Variants in DOCK8 observed in about 807,000 individuals in gnomAD.
DOCK8 encodes the protein dedicator of cytokinesis protein 8.
DOCK8 carries 141 observed loss-of-function variants against 245.6 expected under a neutral mutation model. That is an observed-to-expected ratio of 0.57 (90% confidence interval 0.50 to 0.66). The LOEUF is 0.66. DOCK8 is among the 30% of genes least tolerant of loss of function. The pLI, the probability that DOCK8 is intolerant of heterozygous loss-of-function variation, is 0.00. For missense variants in DOCK8, 2,965 were observed against 2,603.4 expected (o/e 1.14, Z -3.02); for synonymous variants, 1,168 against 970.2 (o/e 1.20, Z -3.79).
rs376254524 is a variant in DOCK8, at chr9:334,336, A to G, written c.1237A>G (p.Asn413Asp). 20 of 1,614,130 alleles carry G rather than the reference A, an allele frequency of 1.2e-5. No individual in the cohort carries two copies. The highest frequency in any genetic ancestry group is 1.7e-5 in the Admixed American group (1 of 60,014). The change falls in exon 11 of 48, where the codon AAT (asparagine) becomes GAT (aspartate). Residue 413 changes from asparagine (N) to aspartate (D), a missense_variant. By Grantham distance (23) the Asn-to-Asp change is conservative. This residue lies in a region of DOCK8 where 2,825 missense variants were observed against 2,453.5 expected (regional missense o/e 1.15). Transcript: ENST00000432829. ...ACCCATAAGCTTATCAAGCTTCTTC[A>G]ATGTCTCCACCCTTGAGAGGGAGGT... The part of the protein sequence containing the change: ...WAPISLSSFF[N>D]VSTLEREVTD...
intron 12 of DOCK8, among the ~76,000 whole-genome samples, chr9:338,196 A>G (rs754218820): frequency 6.6e-6 from 1 of 151,944 alleles, no homozygotes; most frequent in Non-Finnish European, 1.5e-5. Flanking sequence ...ATTTTATGTT[A>G]GTTATATTTT....
At chr9:459,391 A>G (rs115171503) in intron 46 of DOCK8, among the ~76,000 whole-genome samples, 159 of 152,354 alleles carry the variant, frequency 1.0e-3, no homozygotes, top group African/African-American at 3.7e-3. Context: ...ACTACATAAA[A>G]TCTAAGTTTT....
intron 1 of DOCK8, among the ~76,000 whole-genome samples, chr9:222,104 A>G (rs530351537): frequency 2.7e-4 from 41 of 152,028 alleles, no homozygotes; most frequent in African/African-American, 9.2e-4. Context: ...TACAAAAAGC[A>G]AACAAAACAT....
At chr9:305,218 A>C (rs958857715) in intron 5 of DOCK8, among the ~76,000 whole-genome samples, 11 of 152,212 alleles carry the variant, frequency 7.2e-5, no homozygotes, top group African/African-American at 2.7e-4. Flanking sequence ...GAATTAGAAT[A>C]ATGCCAAGTA....
chr9:460,447 T>G (rs765761636), intron 46 of DOCK8: 2 of 152,238 alleles, frequency 1.3e-5, no homozygotes, highest in Non-Finnish European at 2.9e-5. Flanking sequence ...ATCCTGAAAC[T>G]GATCTTATTT....
Position 312,004 on chromosome 9 carries a change from C to T in DOCK8, c.579C>T (p.Pro193=), listed in dbSNP as rs1053824283. 15 of 1,614,062 alleles carry T rather than the reference C, an allele frequency of 9.3e-6. No homozygotes were observed. Among genetic ancestry groups the T allele is most frequent in the African/African-American group, 2.7e-5 (2 of 74,938 alleles). ...TGTGCGACGTGTCTGGGAAAGGCCC[C>T]GTCACTGCCTGTGACTTTGACCTCC... The part of the protein sequence containing the change: ...NVLCDVSGKG[P]VTACDFDLRS... Residue 193 remains proline, a synonymous_variant, in exon 6 of 48, where the codon CCC becomes CCT. Coordinates refer to ENST00000432829, the MANE Select transcript of DOCK8 (RefSeq NM_203447.4).
Position 398,072 on chromosome 9 carries a change from A to G in DOCK8, c.3121-1074A>G, listed in dbSNP as rs112364865. Among the ~76,000 whole-genome samples, 281 of 152,286 alleles carry G rather than the reference A, an allele frequency of 1.8e-3. 4 individuals carry two copies. The highest frequency in any genetic ancestry group is 6.6e-3 in the African/African-American group (274 of 41,546). ...GTGCATAGTACCAAGTGCTCAGGAG[A>G]TTTTCATTCGGTTATTCCTCATGGC... On this transcript the variant is annotated intron_variant, in intron 25 of 47. Transcript: ENST00000432829.
At chr9:236,209 C>A (rs1362105559) in intron 1 of DOCK8, among the ~76,000 whole-genome samples, 1 of 152,056 alleles carries the variant, frequency 6.6e-6, no homozygotes, top group African/African-American at 2.4e-5. Flanking sequence ...CAGGATGACT[C>A]CTAAAACTCT....
rs776482748 is a variant in DOCK8, at chr9:420,966, C to A, written c.4041C>A (p.Asp1347Glu). 41 of 1,614,070 alleles carry A rather than the reference C, an allele frequency of 2.5e-5. No individual in the cohort carries two copies. The South Asian group carries it at 4.3e-4, about 17-fold the overall frequency. The change falls in exon 32 of 48, where the codon GAC becomes GAA. Residue 1347 changes from aspartate (D) to glutamate (E), a missense_variant. Asp to Glu is a conservative substitution (Grantham distance 45). Coordinates refer to ENST00000432829, the MANE Select transcript of DOCK8 (RefSeq NM_203447.4). ...CFEYKGKQSS[D>E]KVSTQVLQKS... is the part of the protein sequence containing the mutation. ...TTGTCCAGGGAAAACAGAGTTCTGA[C>A]AAAGTCAGTACCCAAGTCCTGCAGA...
At chr9:463,485 T>G (rs1223718595) in intron 46 of DOCK8, 32 bp from the exon 47 acceptor site, 1 of 1,613,602 alleles carries the variant, frequency 6.2e-7, no homozygotes, top group Admixed American at 1.7e-5. Flanking sequence ...TCAAAGTCAT[T>G]TATTTCTCCC....
At chr9:333,047 C>T (rs961019511) in intron 10 of DOCK8, among the ~76,000 whole-genome samples, 2 of 152,114 alleles carry the variant, frequency 1.3e-5, no homozygotes, top group Non-Finnish European at 2.9e-5. Flanking sequence ...TGGGGCAAGG[C>T]CACCCCCTGT....
At chr9:431,013 C>T (rs1040279157) in intron 36 of DOCK8, among the ~76,000 whole-genome samples, 5 of 150,510 alleles carry the variant, frequency 3.3e-5, no homozygotes, top group African/African-American at 1.2e-4. Context: ...ACTGGGATTA[C>T]AGGCACGAGC....
At chr9:412,792 A>G (rs1303613285) in intron 28 of DOCK8, among the ~76,000 whole-genome samples, 2 of 152,176 alleles carry the variant, frequency 1.3e-5, no homozygotes, top group Non-Finnish European at 2.9e-5. Flanking sequence ...ATGTTCATGA[A>G]TCAGAAGACT....
chr9:416,498 T>C (rs1187327178), intron 29 of DOCK8, among the ~76,000 whole-genome samples: 1 of 152,252 alleles, frequency 6.6e-6, no homozygotes, highest in African/African-American at 2.4e-5. Context: ...CAAAGACTTC[T>C]TTGTATATGC....
Position 333,382 on chromosome 9 carries a change from A to C in DOCK8, c.1126-843A>C, listed in dbSNP as rs537451050. 3.9e-5 allele frequency among the ~76,000 whole-genome samples: 6 copies of C among 152,178 alleles called. No homozygotes were observed. The South Asian group carries it at 8.3e-4, about 21-fold the overall frequency. On this transcript the variant is annotated intron_variant, in intron 10 of 47. Coordinates refer to ENST00000432829, the MANE Select transcript of DOCK8 (RefSeq NM_203447.4). Reference sequence around the variant, plus strand: ...TTTGGGAGGCCAAGGCGGGCAGATCATGAGGTCAGAAGATTGAGACCATCC... The same window carrying C: ...TTTGGGAGGCCAAGGCGGGCAGATCCTGAGGTCAGAAGATTGAGACCATCC...
Position 286,490 on chromosome 9 carries a change from G to A in DOCK8, c.186G>A (p.Val62=). The change falls in exon 3 of 48, where the codon GTG becomes GTA. Residue 62 remains valine, a synonymous_variant. Coordinates refer to ENST00000432829, the MANE Select transcript of DOCK8 (RefSeq NM_203447.4). The part of the protein sequence containing the change: ...LPQFYDPVEP[V]DFEGLLMTHL... ...AGTTTTATGACCCTGTGGAGCCAGT[G>A]GACTTTGAAGGACTTCTGATGACAC... 1.2e-6 allele frequency: 2 copies of A among 1,613,932 alleles called. No individual in the cohort carries two copies. Among genetic ancestry groups the A allele is most frequent in the East Asian group, 2.2e-5 (1 of 44,874 alleles).
chr9:439,250 T>C lies in DOCK8; in HGVS notation c.5085T>C (p.Ile1695=). The C allele has an allele frequency of 6.2e-7, 1 of 1,614,162 alleles. No homozygotes were observed. ...LPVGSVSFQN[I]SSNVLEESVV... ...TATACTGTGGTCTCTTTCAGAATATTTCTTCCAATGTGCTGGAGGAGTCTG... is the reference window on the plus strand; with the variant it reads ...TATACTGTGGTCTCTTTCAGAATATCTCTTCCAATGTGCTGGAGGAGTCTG... The change falls in exon 40 of 48, where the codon ATT becomes ATC. Residue 1695 remains isoleucine, a synonymous_variant. Coordinates refer to ENST00000432829, the MANE Select transcript of DOCK8 (RefSeq NM_203447.4).
chr9:439,499 CGTGCCAGGGT>C lies in DOCK8; in HGVS notation c.5223+116_5223+125del. ...CAGTCAGCCCCACTTCCCGAGGACA[CGTGCCAGGGT>C]GTGCGGGGCAGGGGATGGGCCCGGG... On this transcript the variant is annotated intron_variant, in intron 40 of 47. Coordinates refer to ENST00000432829, the MANE Select transcript of DOCK8 (RefSeq NM_203447.4). 2.1e-6 allele frequency: 3 copies of C among 1,438,750 alleles called. No individual in the cohort carries two copies. In the South Asian group the frequency reaches 3.6e-5, roughly 17 times the overall value. The allele number at this position is 1,438,750 out of a possible 1,614,324, so 89.1% of individuals were successfully genotyped here.
intron 21 of DOCK8, 40 bp from the exon 22 acceptor site, chr9:382,473 T>C: frequency 6.2e-7 from 1 of 1,612,256 alleles, no homozygotes; most frequent in Non-Finnish European, 8.5e-7. Flanking sequence ...GTAACTCTGT[T>C]CCCCTGTCTG....
Sources: allele counts gnomAD v4.1 joint callset (sites outside exome capture counted in the v4.1 genomes callset), GRCh38; gene constraint gnomAD v4.1.1; regional missense constraint gnomAD v4.1.1; transcripts MANE v1.5; gene names NCBI Gene and HGNC (gene_info 2026-07-23, HGNC 2026-07-21).